PPARA: variants seen among roughly 807,000 people sequenced by gnomAD.
PPARA encodes peroxisome proliferator-activated receptor alpha.
Under a neutral mutation model 42.2 loss-of-function variants are expected in PPARA, and 22 were observed. The observed-to-expected ratio is 0.52, with a 90% CI of 0.37 to 0.74. The LOEUF (loss-of-function observed/expected upper bound fraction) is 0.74. PPARA is among the 30% of genes least tolerant of loss of function. PPARA has a pLI of 0.00. For synonymous variants in PPARA, 242 were observed against 239.3 expected, an observed-to-expected ratio of 1.01 and a Z score of -0.10; for missense variants, 465 against 608.2, an observed-to-expected ratio of 0.76 and a Z score of 2.48.
Position 46,160,304 on chromosome 22 carries a change from T to C in PPARA, c.-127+8334T>C, listed in dbSNP as rs1925967581. ...TAAGAAATCTATATTGGTGTTCGTT[T>C]GTTTGTTTTTGAGATGGAGTCTCGC... On this transcript the variant is annotated intron_variant, in intron 2 of 8. Transcript: ENST00000407236. The surrounding 1 kb of genome is among the most constrained non-coding windows in gnomAD (Gnocchi z 4.5). Among the ~76,000 whole-genome samples the C allele has an allele frequency of 6.6e-6, 1 of 152,206 alleles. No homozygotes were observed. The highest frequency in any genetic ancestry group is 2.1e-4 in the South Asian group (1 of 4,832).
Position 46,235,822 on chromosome 22 carries a change from T to C in PPARA, c.*442T>C, listed in dbSNP as rs1936174459. On this transcript the variant is annotated 3_prime_UTR_variant, in exon 9 of 9. Coordinates refer to ENST00000407236, the MANE Select transcript of PPARA (RefSeq NM_005036.6). The surrounding 1 kb of genome is among the most constrained non-coding windows in gnomAD (Gnocchi z 7.0). ...CACTTTTTAACAATGTTTATAATCC[T>C]ATAAGTCTAGATGTATCCAAAGGTG... 3.9e-6 allele frequency: 1 copy of C among 258,204 alleles called. No homozygotes were observed. The highest frequency in any genetic ancestry group is 4.8e-5 in the South Asian group (1 of 20,744). The allele number at this position is 258,204 out of a possible 1,614,324, so 16.0% of individuals were successfully genotyped here.
chr22:46,182,412 G>T lies in PPARA; in HGVS notation c.-43+5576G>T, dbSNP rs532732756. ...GCCTATGAATACCCATAACAACATGGATGAATGCTGAAATAATTGTGCTGA... is the reference window on the plus strand; with the variant it reads ...GCCTATGAATACCCATAACAACATGTATGAATGCTGAAATAATTGTGCTGA... On this transcript the variant is annotated intron_variant, in intron 3 of 8. Transcript: ENST00000407236. This position sits in a 1 kb window ranked among gnomAD's most constrained non-coding sequence, Gnocchi z 5.2. Among the ~76,000 whole-genome samples the T allele has an allele frequency of 6.6e-6, 1 of 152,176 alleles. No individual in the cohort carries two copies. Among genetic ancestry groups the T allele is most frequent in the Non-Finnish European group, 1.5e-5 (1 of 68,032 alleles).
In PPARA at chr22:46,234,296, T is replaced by G. The variant is rs544437300; in HGVS notation, c.1160-837T>G. On this transcript the variant is annotated intron_variant, in intron 8 of 8. Transcript: ENST00000407236. This position sits in a 1 kb window ranked among gnomAD's most constrained non-coding sequence, Gnocchi z 5.8. Reference sequence around the variant, plus strand: ...TAGAAATAAAAACTTAATAATTACATTTACAACCAAAAACAATGAAGATGT... The same window carrying G: ...TAGAAATAAAAACTTAATAATTACAGTTACAACCAAAAACAATGAAGATGT... 1.2e-3 allele frequency among the ~76,000 whole-genome samples: 188 copies of G among 152,264 alleles called. No individual in the cohort carries two copies. Among genetic ancestry groups the G allele is most frequent in the African/African-American group, 4.5e-3 (185 of 41,538 alleles).
chr22:46,221,128 A>G lies in PPARA; in HGVS notation c.711+1114A>G, dbSNP rs1024168368. Among the ~76,000 whole-genome samples the G allele has an allele frequency of 6.6e-6, 1 of 152,174 alleles. No homozygotes were observed. Among genetic ancestry groups the G allele is most frequent in the Non-Finnish European group, 1.5e-5 (1 of 68,040 alleles). ...GAATTTGACTCATAGCAGAAGGTGA[A>G]GTGGGAGTAGGCGTCTTGCATGGCA... On this transcript the variant is annotated intron_variant, in intron 7 of 8. Coordinates refer to ENST00000407236, the MANE Select transcript of PPARA (RefSeq NM_005036.6). This position sits in a 1 kb window ranked among gnomAD's most constrained non-coding sequence, Gnocchi z 5.9.
chr22:46,200,929 A>G lies in PPARA; in HGVS notation c.208+2338A>G, dbSNP rs567442917. ...ACAGGGTGAGACTCCATCTCAAAAA[A>G]AAGTTGGGGCGTGGTGGCTCATGCC... is the stretch of plus-strand genomic sequence containing the variant. On this transcript the variant is annotated intron_variant, in intron 4 of 8. Transcript: ENST00000407236. The surrounding 1 kb of genome is among the most constrained non-coding windows in gnomAD (Gnocchi z 4.8). Among the ~76,000 whole-genome samples the G allele has an allele frequency of 6.8e-6, 1 of 147,080 alleles. No individual in the cohort carries two copies. Among genetic ancestry groups the G allele is most frequent in the East Asian group, 2.1e-4 (1 of 4,870 alleles).
At chr22:46,174,915 T>C (rs1928785695) in intron 2 of PPARA, among the ~76,000 whole-genome samples, 1 of 151,974 alleles carries the variant, frequency 6.6e-6, no homozygotes, top group African/African-American at 2.4e-5. Flanking sequence ...TAGTTTTTTT[T>C]ACTTTTTTTT....
intron 3 of PPARA, among the ~76,000 whole-genome samples, chr22:46,178,695 A>G (rs1163689115): frequency 1.3e-5 from 2 of 152,208 alleles, no homozygotes; most frequent in East Asian, 3.9e-4. Context: ...TGAGAGGATT[A>G]GAAGGAACAG....
chr22:46,210,515 T>C (rs1933824712), intron 4 of PPARA, among the ~76,000 whole-genome samples: 1 of 151,834 alleles, frequency 6.6e-6, no homozygotes, highest in South Asian at 2.1e-4. Context: ...CAATCTTGGC[T>C]CACTGCAACC....
intron 1 of PPARA, among the ~76,000 whole-genome samples, 185 bp from the exon 2 acceptor site, chr22:46,151,703 T>C (rs1325374674): frequency 6.6e-6 from 1 of 152,134 alleles, no homozygotes; most frequent in Non-Finnish European, 1.5e-5. Context: ...CCCAGCCTCC[T>C]TGGGATAAGG....
intron 3 of PPARA, among the ~76,000 whole-genome samples, chr22:46,178,590 G>A (rs966253541): frequency 7.1e-4 from 108 of 152,110 alleles, no homozygotes; most frequent in Non-Finnish European, 1.1e-3. Context: ...TATGAGAGGT[G>A]CAAGCCATAT....
rs145845281 is a variant in PPARA at position 46,184,728 on chromosome 22, G to A, written c.-43+7892G>A. 5.3e-5 allele frequency among the ~76,000 whole-genome samples: 8 copies of A among 152,276 alleles called. No individual in the cohort carries two copies. The highest frequency in any genetic ancestry group is 3.3e-4 in the Admixed American group (5 of 15,296). On this transcript the variant is annotated intron_variant, in intron 3 of 8. Coordinates refer to ENST00000407236, the MANE Select transcript of PPARA (RefSeq NM_005036.6). The surrounding 1 kb of genome is among the most constrained non-coding windows in gnomAD (Gnocchi z 4.4). ...AAATTAGCCAGGCGTGGTGGCGCAC[G>A]CCTGTAGTACCAGCTATTCGGGAGG...
rs183278580 is a variant in PPARA at position 46,162,842 on chromosome 22, C to T, written c.-127+10872C>T. On this transcript the variant is annotated intron_variant, in intron 2 of 8. Transcript: ENST00000407236. The surrounding 1 kb of genome is among the most constrained non-coding windows in gnomAD (Gnocchi z 6.0). ...TTCAGATAACCTATGGCATTTGAGT[C>T]ACTCTGATTTGATGAATTCTGCCTT... 1.1e-3 allele frequency among the ~76,000 whole-genome samples: 161 copies of T among 152,346 alleles called. No homozygotes were observed. Among genetic ancestry groups the T allele is most frequent in the South Asian group, 2.1e-3 (10 of 4,832 alleles).
rs1930334043 is a variant in PPARA, at chr22:46,184,053, A to T, written c.-43+7217A>T. On this transcript the variant is annotated intron_variant, in intron 3 of 8. Transcript: ENST00000407236. The surrounding 1 kb of genome is among the most constrained non-coding windows in gnomAD (Gnocchi z 4.4). Reference sequence around the variant, plus strand: ...GTTACCAGGAAGTGAGTTAATGCACATTAGGTTCTTATTTATGACAGTGCC... The same window carrying T: ...GTTACCAGGAAGTGAGTTAATGCACTTTAGGTTCTTATTTATGACAGTGCC... 1.3e-5 allele frequency among the ~76,000 whole-genome samples: 2 copies of T among 152,228 alleles called. No individual in the cohort carries two copies. The highest frequency in any genetic ancestry group is 1.5e-5 in the Non-Finnish European group (1 of 68,042).
intron 4 of PPARA, among the ~76,000 whole-genome samples, chr22:46,213,881 G>T (rs193211322): frequency 6.6e-6 from 1 of 152,270 alleles, no homozygotes; most frequent in African/African-American, 2.4e-5. Context: ...GAGCCACCAC[G>T]CCTAGCCCCC....
rs1003298887 is a variant in PPARA, at chr22:46,204,974, C to T, written c.208+6383C>T. 6.6e-6 allele frequency among the ~76,000 whole-genome samples: 1 copy of T among 151,940 alleles called. No individual in the cohort carries two copies. Among genetic ancestry groups the T allele is most frequent in the African/African-American group, 2.4e-5 (1 of 41,360 alleles). ...CCTTGACCTCTTGGGCTCAGGAAAC[C>T]CTCCGACCTCAGCCTCCCAAGTAGC... On this transcript the variant is annotated intron_variant, in intron 4 of 8. Coordinates refer to ENST00000407236, the MANE Select transcript of PPARA (RefSeq NM_005036.6). The surrounding 1 kb of genome is among the most constrained non-coding windows in gnomAD (Gnocchi z 5.2).
At chr22:46,177,128 G>A (rs953911796) in intron 3 of PPARA, among the ~76,000 whole-genome samples, 9 of 152,034 alleles carry the variant, frequency 5.9e-5, no homozygotes, top group South Asian at 2.1e-4. Flanking sequence ...GGAGAATGGC[G>A]TGAACACAGG....
Position 46,231,947 on chromosome 22 carries a change from A to G in PPARA, c.867A>G (p.Glu289=), listed in dbSNP as rs777078159. The change falls in exon 8 of 9, where the codon GAA becomes GAG. Residue 289 remains glutamate, a synonymous_variant. Coordinates refer to ENST00000407236, the MANE Select transcript of PPARA (RefSeq NM_005036.6). The surrounding 1 kb of genome is among the most constrained non-coding windows in gnomAD (Gnocchi z 7.7). The part of the protein sequence containing the change: ...TSVETVTELT[E]FAKAIPGFAN... Reference sequence around the variant, plus strand: ...TGGAGACCGTCACGGAGCTCACGGAATTCGCCAAGGCCATCCCAGGCTTCG... The same window carrying G: ...TGGAGACCGTCACGGAGCTCACGGAGTTCGCCAAGGCCATCCCAGGCTTCG... 9 of 1,614,106 alleles carry G rather than the reference A, an allele frequency of 5.6e-6. No individual in the cohort carries two copies. The South Asian group carries it at 7.7e-5, about 14-fold the overall frequency.
rs2336905 is a variant in PPARA at position 46,229,443 on chromosome 22, C to T, written c.712-2349C>T. On this transcript the variant is annotated intron_variant, in intron 7 of 8. Coordinates refer to ENST00000407236, the MANE Select transcript of PPARA (RefSeq NM_005036.6). ...TGATGTGTGCTTGTAATCCCAGCTA[C>T]TCGGGAGGCTGAGGCAGGAGAATTG... is the stretch of plus-strand genomic sequence containing the variant. 9.2e-3 allele frequency among the ~76,000 whole-genome samples: 1,393 copies of T among 151,974 alleles called. 13 individuals are homozygous for T. Among genetic ancestry groups the T allele is most frequent in the Middle Eastern group, 0.017 (5 of 294 alleles).
chr22:46,231,274 A>G lies in PPARA; in HGVS notation c.712-518A>G, dbSNP rs1601823370. 2.0e-5 allele frequency among the ~76,000 whole-genome samples: 3 copies of G among 150,496 alleles called. No individual in the cohort carries two copies. The South Asian group carries it at 6.3e-4, about 32-fold the overall frequency. On this transcript the variant is annotated intron_variant, in intron 7 of 8. Coordinates refer to ENST00000407236, the MANE Select transcript of PPARA (RefSeq NM_005036.6). The surrounding 1 kb of genome is among the most constrained non-coding windows in gnomAD (Gnocchi z 7.7). ...CGCTCTGTCACCCAGGCTGGAGTGC[A>G]GTGGCGCAATGTCGGCTCACTGCAA...
Sources: gnomAD v4.1 joint callset for allele counts (sites outside exome capture counted in the v4.1 genomes callset) on GRCh38, gnomAD v4.1.1 for gene constraint, Gnocchi (gnomAD v3.1) non-coding constraint, MANE v1.5 for transcripts, NCBI Gene and HGNC (gene_info 2026-07-23, HGNC 2026-07-21) for gene names.